KLF12: variants seen among roughly 807,000 people sequenced by gnomAD.
The protein encoded by KLF12 is Krueppel-like factor 12.
KLF12 carries 9 observed loss-of-function variants against 37.8 expected under a neutral mutation model. That is an observed-to-expected ratio of 0.24 (90% CI 0.14 to 0.42). KLF12 has a LOEUF of 0.42. KLF12 is among the 10% of genes least tolerant of loss of function. The probability of loss-of-function intolerance (pLI) is 1.00; values close to 1 mark genes in which losing one functional copy is unlikely to be tolerated. For synonymous variants in KLF12, 208 were observed against 202.1 expected (o/e 1.03, Z -0.25); for missense variants, 411 against 516.0 (o/e 0.80, Z 1.97).
chr13:73,849,315 G>T (rs548176611), intron 3 of KLF12, among the ~76,000 whole-genome samples: 1 of 149,752 alleles, frequency 6.7e-6, no homozygotes, highest in East Asian at 2.0e-4. Context: ...GGAGGTGGAG[G>T]CTGCAGTGAG....
intron 1 of KLF12, among the ~76,000 whole-genome samples, chr13:74,039,796 G>A (rs951604014): frequency 2.0e-5 from 3 of 152,298 alleles, no homozygotes; most frequent in Non-Finnish European, 4.4e-5. Context: ...CTGCATTCAA[G>A]ATGACAGACA....
intron 6 of KLF12, among the ~76,000 whole-genome samples, chr13:73,759,781 C>A (rs1320504663): frequency 1.3e-5 from 2 of 152,102 alleles, no homozygotes; most frequent in Non-Finnish European, 2.9e-5. Flanking sequence ...CTTGCATTTC[C>A]TTTATAGCCT....
At chr13:73,963,351 TAC>T (rs57682253) in intron 2 of KLF12, among the ~76,000 whole-genome samples, 13,200 of 149,248 alleles carry the variant, frequency 0.088, 703 homozygotes, top group Admixed American at 0.12. Flanking sequence ...TACTTCAGTA[TAC>T]ACACACACAC....
chr13:73,753,224 G>A (rs755405937), intron 6 of KLF12, among the ~76,000 whole-genome samples: 55 of 151,978 alleles, frequency 3.6e-4, no homozygotes, highest in Admixed American at 7.9e-4. Context: ...GTTGTTTCAC[G>A]CTTCCCCTCA....
At chr13:74,072,364 AATATATAT>A (rs773653636) in intron 1 of KLF12, among the ~76,000 whole-genome samples, 4,134 of 63,016 alleles carry the variant, frequency 0.066, 162 homozygotes, top group Middle Eastern at 0.095. Context: ...AAGAAATACA[AATATATAT>A]ATATATATAT....
At chr13:74,121,053 C>T (rs928843574) in intron 1 of KLF12, among the ~76,000 whole-genome samples, 3 of 151,920 alleles carry the variant, frequency 2.0e-5, no homozygotes, top group African/African-American at 7.2e-5. Context: ...CAAAACACTC[C>T]AAATAAAAGT....
the KLF12 span, among the ~76,000 whole-genome samples, chr13:74,200,918 A>G: frequency 6.6e-6 from 1 of 152,132 alleles, no homozygotes; most frequent in East Asian, 1.9e-4. Context: ...CTGGAGCCCA[A>G]CACACAGATG....
intron 1 of KLF12, among the ~76,000 whole-genome samples, chr13:74,109,241 T>C (rs996053260): frequency 6.6e-6 from 1 of 152,054 alleles, no homozygotes; most frequent in Non-Finnish European, 1.5e-5. Context: ...ACATATATTA[T>C]CTTTAAATTT....
chr13:74,153,534 G>C, the KLF12 span, among the ~76,000 whole-genome samples: 2 of 152,004 alleles, frequency 1.3e-5, no homozygotes, highest in African/African-American at 4.8e-5. Context: ...CATCTTCCTT[G>C]TTCCAAATAT....
At chr13:73,896,519 A>C (rs531510062) in intron 3 of KLF12, among the ~76,000 whole-genome samples, 1 of 152,222 alleles carries the variant, frequency 6.6e-6, no homozygotes, top group African/African-American at 2.4e-5. Context: ...GACAGTAAAA[A>C]TGTGGTATAT....
chr13:73,841,506 G>T (rs1015341138), intron 4 of KLF12, among the ~76,000 whole-genome samples: 2 of 152,134 alleles, frequency 1.3e-5, no homozygotes, highest in Non-Finnish European at 2.9e-5. Context: ...CACAGCTGCG[G>T]GTTGGGCAAG....
the KLF12 span, among the ~76,000 whole-genome samples, chr13:74,206,448 A>G: frequency 3.3e-5 from 5 of 152,164 alleles, no homozygotes; most frequent in Admixed American, 6.6e-5. Flanking sequence ...CCTGCATTCC[A>G]GGCAACCACT....
chr13:74,055,722 C>T (rs992632626), intron 1 of KLF12, among the ~76,000 whole-genome samples: 10 of 152,028 alleles, frequency 6.6e-5, no homozygotes, highest in Admixed American at 6.6e-5. Context: ...GGATAAGCAA[C>T]GGTGGCAGAG....
chr13:74,084,651 C>G (rs1875148929), intron 1 of KLF12, among the ~76,000 whole-genome samples: 1 of 152,160 alleles, frequency 6.6e-6, no homozygotes, highest in African/African-American at 2.4e-5. Context: ...GCCACAATAA[C>G]AGTGTTCCGT....
chr13:73,755,298 T>A (rs925876900), intron 6 of KLF12, among the ~76,000 whole-genome samples: 4 of 152,216 alleles, frequency 2.6e-5, no homozygotes, highest in Admixed American at 1.3e-4. Flanking sequence ...TTTAATCCTA[T>A]GATATATCCA....
chr13:74,239,421 A>T, the KLF12 span, among the ~76,000 whole-genome samples: 26 of 118,088 alleles, frequency 2.2e-4, no homozygotes, highest in Non-Finnish European at 4.2e-4. Flanking sequence ...TATTCTGTTG[A>T]TTTGGGGTGG....
chr13:73,741,196 G>A (rs936056151), intron 6 of KLF12, among the ~76,000 whole-genome samples: 11 of 152,208 alleles, frequency 7.2e-5, no homozygotes, highest in African/African-American at 2.4e-4. Context: ...TCTTATAGGA[G>A]AGAAAACCCA....
At chr13:73,925,099 T>C (rs993087792) in intron 3 of KLF12, among the ~76,000 whole-genome samples, 5 of 152,230 alleles carry the variant, frequency 3.3e-5, no homozygotes, top group African/African-American at 1.2e-4. Context: ...CAACAGCTGA[T>C]GTAAAAGCTG....
intron 1 of KLF12, among the ~76,000 whole-genome samples, chr13:74,091,280 T>C (rs776476422): frequency 5.3e-5 from 8 of 152,056 alleles, no homozygotes; most frequent in Non-Finnish European, 8.8e-5. Flanking sequence ...TAGAAGAAAA[T>C]ACAAGGGTAA....
Sources: allele counts gnomAD v4.1 joint callset (sites outside exome capture counted in the v4.1 genomes callset), GRCh38; gene constraint gnomAD v4.1.1; transcripts MANE v1.5; gene names NCBI Gene and HGNC (gene_info 2026-07-23, HGNC 2026-07-21).